The following CNTNAP2 variants were observed in gnomAD, a reference collection of about 807,000 sequenced individuals.
CNTNAP2 encodes the protein contactin associated protein 2, also known as contactin-associated protein-like 2.
In CNTNAP2, 98 loss-of-function variants were observed where a neutral mutation model predicts 155.2. That is an observed-to-expected ratio of 0.63 (90% CI 0.54 to 0.75). The LOEUF (loss-of-function observed/expected upper bound fraction) is 0.75, where lower values mean the gene tolerates loss of function less well. Among genes scored for constraint, CNTNAP2 ranks in the 30% least tolerant of loss-of-function variants. The probability of loss-of-function intolerance (pLI) is 0.00; values close to 1 mark genes in which losing one functional copy is unlikely to be tolerated. For synonymous variants in CNTNAP2, 651 were observed against 631.2 expected (o/e 1.03, Z -0.47); for missense variants, 1,727 against 1,688.1 (o/e 1.02, Z -0.40).
At chr7:147,655,144 G>A (rs1795506619) in intron 13 of CNTNAP2, among the ~76,000 whole-genome samples, 1 of 140,174 alleles carries the variant, frequency 7.1e-6, no homozygotes, top group Admixed American at 7.1e-5. Flanking sequence ...TTTTTTCAAG[G>A]CAGAGTCTCA....
chr7:146,457,502 A>G (rs1317650087), intron 1 of CNTNAP2, among the ~76,000 whole-genome samples: 1 of 7,978 alleles, frequency 1.3e-4, no homozygotes, highest in Non-Finnish European at 3.2e-4. Flanking sequence ...ATATATATAT[A>G]TATATATATA....
chr7:147,358,363 A>G (rs1051423545), intron 9 of CNTNAP2, among the ~76,000 whole-genome samples: 3 of 152,160 alleles, frequency 2.0e-5, no homozygotes, highest in Non-Finnish European at 4.4e-5. Context: ...TCATATGGTA[A>G]TTATATTACC....
chr7:146,522,802 T>C (rs1283351833), intron 1 of CNTNAP2, among the ~76,000 whole-genome samples: 1 of 150,292 alleles, frequency 6.7e-6, no homozygotes, highest in African/African-American at 2.4e-5. Flanking sequence ...TAATATCTAT[T>C]ATAATTATAA....
At chr7:148,129,983 G>A (rs558391741) in intron 16 of CNTNAP2, among the ~76,000 whole-genome samples, 99 of 152,266 alleles carry the variant, frequency 6.5e-4, no homozygotes, top group African/African-American at 2.3e-3. Context: ...TTCACCAAAC[G>A]TAGTCAGGAG....
chr7:147,701,368 C>A (rs1253817218), intron 13 of CNTNAP2, among the ~76,000 whole-genome samples: 1 of 152,132 alleles, frequency 6.6e-6, no homozygotes, highest in Non-Finnish European at 1.5e-5. Context: ...GTTTGCTTTA[C>A]TGTAACATTA....
At chr7:147,045,006 A>G (rs968326673) in intron 4 of CNTNAP2, among the ~76,000 whole-genome samples, 1 of 152,182 alleles carries the variant, frequency 6.6e-6, no homozygotes, top group Non-Finnish European at 1.5e-5. Context: ...TTGTTTCTTT[A>G]TGAGACTGCT....
At chr7:146,343,640 T>C (rs1178173393) in intron 1 of CNTNAP2, among the ~76,000 whole-genome samples, 1 of 152,204 alleles carries the variant, frequency 6.6e-6, no homozygotes, top group East Asian at 1.9e-4. Flanking sequence ...ATTAAAAATA[T>C]GAATTTATTT....
rs1799308437 is a variant in CNTNAP2 at position 147,044,046 on chromosome 7, G to A, written c.542G>A (p.Cys181Tyr). The change falls in exon 4 of 24, where the codon TGT becomes TAT. Residue 181 changes from cysteine to tyrosine, a missense_variant. Coordinates refer to ENST00000361727, the MANE Select transcript of CNTNAP2 (RefSeq NM_014141.6). ...GGACTCAGAATTGAAGTTTATGGCT[G>A]TTCTTACTGTGAGTATCGTATTGTT... ...RIGLRIEVYG[C>Y]SYWADVINFD... is the part of the protein sequence containing the mutation. 8.7e-6 allele frequency: 14 copies of A among 1,614,060 alleles called. No homozygotes were observed. The highest frequency in any genetic ancestry group is 1.1e-5 in the Non-Finnish European group (13 of 1,179,980).
chr7:146,797,175 C>T (rs1209999406), intron 2 of CNTNAP2, among the ~76,000 whole-genome samples: 2 of 152,068 alleles, frequency 1.3e-5, no homozygotes, highest in Non-Finnish European at 2.9e-5. Context: ...ATTTTGATTG[C>T]ACTGAAAAAG....
At chr7:146,366,718 G>A (rs1410881678) in intron 1 of CNTNAP2, among the ~76,000 whole-genome samples, 1 of 152,074 alleles carries the variant, frequency 6.6e-6, no homozygotes, top group African/African-American at 2.4e-5. Context: ...ACTAAAGTCC[G>A]AACTGATCTT....
At chr7:146,528,885 G>T (rs1463380732) in intron 1 of CNTNAP2, among the ~76,000 whole-genome samples, 1 of 152,082 alleles carries the variant, frequency 6.6e-6, no homozygotes, top group Non-Finnish European at 1.5e-5. Flanking sequence ...TGCAGTTACA[G>T]AAAAGGAAGA....
At chr7:147,447,264 G>A (rs533462314) in intron 10 of CNTNAP2, among the ~76,000 whole-genome samples, 1 of 152,226 alleles carries the variant, frequency 6.6e-6, no homozygotes, top group African/African-American at 2.4e-5. Flanking sequence ...TGCTCTACAT[G>A]TGAATATATA....
intron 12 of CNTNAP2, among the ~76,000 whole-genome samples, chr7:147,595,029 A>G (rs1178354950): frequency 3.3e-5 from 5 of 152,152 alleles, no homozygotes; most frequent in African/African-American, 1.2e-4. Context: ...AGAGGAACAA[A>G]GCAAAACCAG....
intron 3 of CNTNAP2, among the ~76,000 whole-genome samples, chr7:147,028,063 T>A (rs1563049597): frequency 2.0e-5 from 3 of 152,174 alleles, no homozygotes; most frequent in Non-Finnish European, 4.4e-5. Flanking sequence ...TAGATGGGAA[T>A]GAGACCTCGT....
At chr7:147,042,966 T>C (rs1253861096) in intron 3 of CNTNAP2, among the ~76,000 whole-genome samples, 1 of 152,156 alleles carries the variant, frequency 6.6e-6, no homozygotes, top group African/African-American at 2.4e-5. Context: ...TTAGAATGCA[T>C]ATATGAAGCT....
At chr7:147,020,182 C>T (rs1019098370) in intron 3 of CNTNAP2, among the ~76,000 whole-genome samples, 1 of 152,064 alleles carries the variant, frequency 6.6e-6, no homozygotes, top group Admixed American at 6.6e-5. Context: ...CTAGGATGAG[C>T]TATTACACTT....
intron 1 of CNTNAP2, among the ~76,000 whole-genome samples, chr7:146,319,027 TG>T (rs1408511182): frequency 2.0e-5 from 3 of 152,074 alleles, no homozygotes; most frequent in African/African-American, 7.2e-5. Flanking sequence ...ATACGCCCAC[TG>T]TCACAGATCC....
intron 1 of CNTNAP2, among the ~76,000 whole-genome samples, chr7:146,626,576 G>T (rs558166400): frequency 6.6e-6 from 1 of 152,044 alleles, no homozygotes; most frequent in Non-Finnish European, 1.5e-5. Flanking sequence ...ATATGATTGT[G>T]TGCCTGTAAA....
rs548365395 is a variant in CNTNAP2, at chr7:148,194,713, C to T, written c.3010+22235C>T. The stretch of plus-strand genomic sequence containing the variant: ...TAAGAACTGAAGGAAGTGGGGTGGG[C>T]GGAGTCCCAGGGCATGAGAAGAAGG... On this transcript the variant is annotated intron_variant, in intron 18 of 23. Coordinates refer to ENST00000361727, the MANE Select transcript of CNTNAP2 (RefSeq NM_014141.6). Among the ~76,000 whole-genome samples, 9 of 152,014 alleles carry T rather than the reference C, an allele frequency of 5.9e-5. No individual in the cohort carries two copies. In the South Asian group the frequency reaches 1.0e-3, roughly 18 times the overall value.
Sources: allele counts gnomAD v4.1 joint callset (sites outside exome capture counted in the v4.1 genomes callset), GRCh38; gene constraint gnomAD v4.1.1; transcripts MANE v1.5; gene names NCBI Gene and HGNC (gene_info 2026-07-23, HGNC 2026-07-21).